FSTL4: variants seen among roughly 807,000 people sequenced by gnomAD.
The protein encoded by FSTL4 is follistatin like 4.
Under a neutral mutation model 78.2 loss-of-function variants are expected in FSTL4, and 28 were observed. The observed-to-expected ratio is 0.36, with a 90% confidence interval of 0.27 to 0.49. The LOEUF (loss-of-function observed/expected upper bound fraction) is 0.49. Ranked by LOEUF, FSTL4 falls within the 20% of genes least tolerant of loss-of-function variation. The probability of loss-of-function intolerance (pLI) is 0.98; values close to 1 mark genes in which losing one functional copy is unlikely to be tolerated. For missense variants in FSTL4, 922 were observed against 1,084.9 expected (o/e 0.85, Z 2.11); for synonymous variants, 422 against 440.5 (o/e 0.96, Z 0.53).
intron 4 of FSTL4, among the ~76,000 whole-genome samples, chr5:133,393,341 T>A (rs930231135): frequency 2.0e-5 from 3 of 152,192 alleles, no homozygotes; most frequent in African/African-American, 7.2e-5. Context: ...CTTTTGGCTA[T>A]AAATTCCTTG....
chr5:133,373,625 C>T (rs567513643), intron 4 of FSTL4, among the ~76,000 whole-genome samples: 1 of 152,332 alleles, frequency 6.6e-6, no homozygotes, highest in East Asian at 1.9e-4. Flanking sequence ...GTGTGGGATG[C>T]TGGCCCCACA....
intron 8 of FSTL4, among the ~76,000 whole-genome samples, chr5:133,231,385 G>A (rs1751491171): frequency 6.6e-6 from 1 of 152,036 alleles, no homozygotes; most frequent in Non-Finnish European, 1.5e-5. Context: ...GGTGTGTGAA[G>A]TTCCTGGGGC....
rs577565538 is a variant in FSTL4, at chr5:133,548,413, T to C, written c.160+18773A>G. Among the ~76,000 whole-genome samples, 4 of 152,296 alleles carry C rather than the reference T, an allele frequency of 2.6e-5. No homozygotes were observed. In the East Asian group the frequency reaches 7.7e-4, roughly 29 times the overall value. Reference sequence around the variant, plus strand: ...GCAGAAATGAATTGCAGCATACTAGTTGATATTCAGACTACACAAAAAGGC... The same window carrying C: ...GCAGAAATGAATTGCAGCATACTAGCTGATATTCAGACTACACAAAAAGGC... On this transcript the variant is annotated intron_variant, in intron 3 of 15. Coordinates refer to ENST00000265342, the MANE Select transcript of FSTL4 (RefSeq NM_015082.2).
At chr5:133,716,193 C>T in the FSTL4 span, among the ~76,000 whole-genome samples, 19 of 152,084 alleles carry the variant, frequency 1.2e-4, no homozygotes, top group Non-Finnish European at 1.0e-4. Flanking sequence ...ATTTTTAGCT[C>T]ATCCAGCAAG....
intron 6 of FSTL4, among the ~76,000 whole-genome samples, chr5:133,256,305 A>T: frequency 6.6e-6 from 1 of 152,302 alleles, no homozygotes; most frequent in Middle Eastern, 3.4e-3. Flanking sequence ...CAGGTGACCT[A>T]GGTGCCACCA....
chr5:133,811,671 C>T, the FSTL4 span, among the ~76,000 whole-genome samples: 1 of 152,196 alleles, frequency 6.6e-6, no homozygotes, highest in Non-Finnish European at 1.5e-5. Context: ...TTACCTTCAC[C>T]TTTGCTGTTC....
At chr5:133,458,674 G>A (rs1371914500) in intron 3 of FSTL4, among the ~76,000 whole-genome samples, 2 of 152,232 alleles carry the variant, frequency 1.3e-5, no homozygotes, top group Non-Finnish European at 2.9e-5. Flanking sequence ...TCATGGGAAT[G>A]CCCCCAGATG....
At chr5:133,825,476 GTTAA>G in the FSTL4 span, among the ~76,000 whole-genome samples, 2 of 152,180 alleles carry the variant, frequency 1.3e-5, no homozygotes, top group Non-Finnish European at 2.9e-5. Context: ...TTGCTTCTAG[GTTAA>G]TTATCAATAG....
intron 3 of FSTL4, among the ~76,000 whole-genome samples, chr5:133,457,074 A>G (rs1446388038): frequency 6.6e-6 from 1 of 152,030 alleles, no homozygotes. Context: ...ACAACCTATA[A>G]TTTTCTGTAA....
chr5:133,695,412 G>C, the FSTL4 span, among the ~76,000 whole-genome samples: 2 of 152,160 alleles, frequency 1.3e-5, no homozygotes, highest in Non-Finnish European at 2.9e-5. Context: ...CAGAAGGGAA[G>C]GCAGGTTTCC....
the FSTL4 span, among the ~76,000 whole-genome samples, chr5:133,711,383 A>G: frequency 6.6e-6 from 1 of 152,198 alleles, no homozygotes. Flanking sequence ...AAAGGCACTA[A>G]CTGGAAATCC....
At chr5:133,553,140 G>A (rs748924492) in intron 3 of FSTL4, among the ~76,000 whole-genome samples, 13 of 152,116 alleles carry the variant, frequency 8.5e-5, no homozygotes, top group Non-Finnish European at 1.6e-4. Flanking sequence ...GGTGAGTCCC[G>A]CGGTACCCGG....
chr5:133,674,215 C>T, the FSTL4 span, among the ~76,000 whole-genome samples: 3 of 152,150 alleles, frequency 2.0e-5, no homozygotes, highest in African/African-American at 7.2e-5. Context: ...TTAAATCATT[C>T]CCAATGATCT....
At chr5:133,251,503 C>T (rs951987409) in intron 6 of FSTL4, among the ~76,000 whole-genome samples, 6 of 152,044 alleles carry the variant, frequency 3.9e-5, no homozygotes, top group African/African-American at 7.2e-5. Context: ...AACAGGAAAC[C>T]AAACACCAGG....
At chr5:133,734,989 C>G in the FSTL4 span, among the ~76,000 whole-genome samples, 7 of 152,272 alleles carry the variant, frequency 4.6e-5, no homozygotes, top group East Asian at 5.8e-4. Flanking sequence ...AACAGGGGGC[C>G]CCATGGGACT....
intron 8 of FSTL4, among the ~76,000 whole-genome samples, chr5:133,231,767 TC>T (rs1317910636): frequency 6.6e-6 from 1 of 152,176 alleles, no homozygotes; most frequent in Non-Finnish European, 1.5e-5. Flanking sequence ...GGGTTCGAAC[TC>T]CTGGACTCAA....
chr5:133,617,495 G>A (rs113943496), upstream of FSTL4, among the ~76,000 whole-genome samples: 324 of 152,098 alleles, frequency 2.1e-3, 8 homozygotes, highest in Non-Finnish European at 2.9e-3. Context: ...CTGGGCACAG[G>A]AGGAAGCCAG....
chr5:133,597,515 G>A lies in FSTL4; in HGVS notation c.126+6343C>T, dbSNP rs1359294836. ...AGGAATAAATAAAGTAGTTAGACAA[G>A]TAAATGCTAAATTAAGAGGAAGAAA... On this transcript the variant is annotated intron_variant, in intron 2 of 15. Transcript: ENST00000265342. Among the ~76,000 whole-genome samples the A allele has an allele frequency of 3.3e-5, 5 of 152,318 alleles. No homozygotes were observed. In the East Asian group the frequency reaches 9.6e-4, roughly 29 times the overall value.
At chr5:133,399,309 T>C (rs1756157792) in intron 4 of FSTL4, among the ~76,000 whole-genome samples, 1 of 152,196 alleles carries the variant, frequency 6.6e-6, no homozygotes, top group Non-Finnish European at 1.5e-5. Flanking sequence ...GGGACGTTTT[T>C]CCTAGGCTCA....
Sources: gnomAD v4.1 joint callset for allele counts (sites outside exome capture counted in the v4.1 genomes callset) on GRCh38, gnomAD v4.1.1 for gene constraint, MANE v1.5 for transcripts, NCBI Gene and HGNC (gene_info 2026-07-23, HGNC 2026-07-21) for gene names.